Variants in HYCC2 observed in about 807,000 individuals in gnomAD.
HYCC2 encodes hyccin 2.
the HYCC2 span, chr2:200,987,423 C>CA: frequency 2.3e-6 from 3 of 1,289,808 alleles, no homozygotes; most frequent in Non-Finnish European, 3.0e-6. Flanking sequence ...GGGTCCTGCG[C>CA]ACCAGCACCT....
At chr2:201,009,047 C>T in the HYCC2 span, 55 of 1,613,826 alleles carry the variant, frequency 3.4e-5, no homozygotes, top group Non-Finnish European at 4.5e-5. Flanking sequence ...CATGCTGACA[C>T]AATGCCCCTT....
the HYCC2 span, among the ~76,000 whole-genome samples, chr2:201,006,036 G>A: frequency 6.6e-6 from 1 of 151,670 alleles, no homozygotes; most frequent in Non-Finnish European, 1.5e-5. Context: ...GTTTCACCAT[G>A]TTGGCCAGGC....
the HYCC2 span, among the ~76,000 whole-genome samples, chr2:201,026,632 A>G: frequency 6.6e-6 from 1 of 152,254 alleles, no homozygotes; most frequent in Non-Finnish European, 1.5e-5. Context: ...CCACAGTGCA[A>G]TCAAATTAGA....
chr2:201,036,997 C>G, the HYCC2 span, among the ~76,000 whole-genome samples: 1 of 152,104 alleles, frequency 6.6e-6, no homozygotes, highest in Non-Finnish European at 1.5e-5. Context: ...CTAGAAAACC[C>G]CATCGTCTCT....
chr2:200,999,340 G>A, the HYCC2 span, among the ~76,000 whole-genome samples: 1 of 151,550 alleles, frequency 6.6e-6, no homozygotes, highest in African/African-American at 2.4e-5. Context: ...GCTCAAATCA[G>A]CCATATATTA....
At chr2:200,992,290 T>C in the HYCC2 span, 2 of 1,600,502 alleles carry the variant, frequency 1.2e-6, no homozygotes, top group Non-Finnish European at 1.7e-6. Context: ...CCAATAGTGG[T>C]TGAGAAAAAA....
the HYCC2 span, among the ~76,000 whole-genome samples, chr2:201,048,267 G>A: frequency 6.6e-6 from 1 of 151,538 alleles, no homozygotes; most frequent in Non-Finnish European, 1.5e-5. Flanking sequence ...CAAGTTAGAA[G>A]GAAAATATAA....
At chr2:201,021,678 A>T in the HYCC2 span, 2 of 184,354 alleles carry the variant, frequency 1.1e-5, no homozygotes, top group Admixed American at 1.1e-4. Flanking sequence ...GCCCATGAAG[A>T]GCTTACAATC....
chr2:201,016,797 A>G, the HYCC2 span, among the ~76,000 whole-genome samples: 1 of 150,976 alleles, frequency 6.6e-6, no homozygotes, highest in Non-Finnish European at 1.5e-5. Flanking sequence ...ACGGAGTCTC[A>G]CCATGTTGGC....
chr2:200,975,662 G>A, the HYCC2 span: 1 of 151,998 alleles, frequency 6.6e-6, no homozygotes, highest in Admixed American at 6.5e-5. Context: ...GTACTATGCT[G>A]CCAGTTATTT....
chr2:201,013,436 T>G, the HYCC2 span, among the ~76,000 whole-genome samples: 6 of 148,990 alleles, frequency 4.0e-5, no homozygotes, highest in African/African-American at 1.5e-4. Context: ...CCACTGCACT[T>G]CAGCCTAGGC....
the HYCC2 span, among the ~76,000 whole-genome samples, chr2:201,002,891 G>T: frequency 6.6e-6 from 1 of 152,098 alleles, no homozygotes; most frequent in Non-Finnish European, 1.5e-5. Context: ...GTGCTCTCAC[G>T]CAAATGTATG....
chr2:201,009,123 C>CA, the HYCC2 span: 1 of 1,264,936 alleles, frequency 7.9e-7, no homozygotes, highest in Non-Finnish European at 1.2e-6. Context: ...GACAATGTCT[C>CA]TACCATGAAG....
chr2:201,021,201 A>G, the HYCC2 span, among the ~76,000 whole-genome samples: 1 of 152,196 alleles, frequency 6.6e-6, no homozygotes, highest in African/African-American at 2.4e-5. Flanking sequence ...TTCTATGACT[A>G]AAGTCCAGAA....
the HYCC2 span, among the ~76,000 whole-genome samples, chr2:201,029,131 C>T: frequency 6.6e-6 from 1 of 152,110 alleles, no homozygotes; most frequent in Non-Finnish European, 1.5e-5. Flanking sequence ...ACAACCCCAT[C>T]AAAAAGCGGG....
At chr2:201,053,153 G>A in the HYCC2 span, among the ~76,000 whole-genome samples, 23 of 150,956 alleles carry the variant, frequency 1.5e-4, no homozygotes, top group Non-Finnish European at 2.7e-4. Context: ...ACGGAATTTC[G>A]CTCTTGTCAA....
chr2:200,984,030 CATTT>C, the HYCC2 span, among the ~76,000 whole-genome samples: 4 of 151,884 alleles, frequency 2.6e-5, no homozygotes, highest in African/African-American at 9.7e-5. Flanking sequence ...TTTTTAAAAA[CATTT>C]ATTTATTTTT....
chr2:201,018,272 A>G, the HYCC2 span, among the ~76,000 whole-genome samples: 1 of 152,194 alleles, frequency 6.6e-6, no homozygotes, highest in Non-Finnish European at 1.5e-5. Context: ...TAGGCTGCAG[A>G]AAACTGGCTA....
the HYCC2 span, among the ~76,000 whole-genome samples, chr2:201,049,383 T>C: frequency 6.6e-6 from 1 of 152,084 alleles, no homozygotes; most frequent in Non-Finnish European, 1.5e-5. Context: ...GGAGTCTCGC[T>C]CTATCGCCCA....
Sources: allele counts gnomAD v4.1 joint callset (sites outside exome capture counted in the v4.1 genomes callset), GRCh38; gene constraint gnomAD v4.1.1; transcripts MANE v1.5; gene names NCBI Gene and HGNC (gene_info 2026-07-23, HGNC 2026-07-21).